The following DPYD variants were observed in gnomAD, a reference collection of about 807,000 sequenced individuals.
DPYD encodes dihydropyrimidine dehydrogenase [NADP(+)].
Under a neutral mutation model 116.2 loss-of-function variants are expected in DPYD, and 109 were observed. That is an observed-to-expected ratio of 0.94 (90% CI 0.80 to 1.10). The LOEUF is 1.10. Among genes scored for constraint, DPYD ranks in the 50% least tolerant of loss-of-function variants. The pLI is 0.00. For synonymous variants in DPYD, 440 were observed against 432.0 expected (o/e 1.02, Z -0.23); for missense variants, 1,302 against 1,254.5 (o/e 1.04, Z -0.57).
chr1:97,258,763 T>G, intron 18 of DPYD, among the ~76,000 whole-genome samples: 1 of 152,108 alleles, frequency 6.6e-6, no homozygotes, highest in East Asian at 1.9e-4. Flanking sequence ...TAAGATTGTA[T>G]TTTGGACTTT....
chr1:97,722,078 A>G (rs531211455), intron 4 of DPYD, among the ~76,000 whole-genome samples: 5 of 151,850 alleles, frequency 3.3e-5, no homozygotes, highest in Non-Finnish European at 5.9e-5. Context: ...AAATGGTTAT[A>G]CTCAGGTTAT....
At chr1:97,583,580 T>A (rs1653850728) in intron 10 of DPYD, among the ~76,000 whole-genome samples, 1 of 151,936 alleles carries the variant, frequency 6.6e-6, no homozygotes, top group Non-Finnish European at 1.5e-5. Context: ...TTCTGCCACC[T>A]GCTAATACTC....
At chr1:97,404,314 GTGT>G (rs1260885257) in intron 14 of DPYD, among the ~76,000 whole-genome samples, 1 of 152,048 alleles carries the variant, frequency 6.6e-6, no homozygotes, top group Non-Finnish European at 1.5e-5. Flanking sequence ...TTGACTAATA[GTGT>G]TGTTGAGTTT....
Position 97,772,950 on chromosome 1 carries a change from T to A in DPYD, c.234-32471A>T, listed in dbSNP as rs564984207. Among the ~76,000 whole-genome samples the A allele has an allele frequency of 4.6e-5, 7 of 152,364 alleles. 1 individual carries two copies. The South Asian group carries it at 1.4e-3, about 32-fold the overall frequency. On this transcript the variant is annotated intron_variant, in intron 3 of 22. Coordinates refer to ENST00000370192, the MANE Select transcript of DPYD (RefSeq NM_000110.4). Reference sequence around the variant, plus strand: ...TACAGATGATTTTCCATGGCCTCTATGATTTTTCATGGCCTCTGCAGGAGA... The same window carrying A: ...TACAGATGATTTTCCATGGCCTCTAAGATTTTTCATGGCCTCTGCAGGAGA...
chr1:97,887,917 C>A (rs148975629), intron 1 of DPYD, among the ~76,000 whole-genome samples: 2 of 152,170 alleles, frequency 1.3e-5, no homozygotes, highest in East Asian at 3.9e-4. Flanking sequence ...CTTCTTCCTG[C>A]TGTCATGTGA....
chr1:97,202,073 G>C (rs1002133372), intron 19 of DPYD, among the ~76,000 whole-genome samples: 9 of 152,044 alleles, frequency 5.9e-5, no homozygotes, highest in African/African-American at 2.2e-4. Flanking sequence ...CTGGCTTTGA[G>C]TTCAGTTGTC....
intron 10 of DPYD, among the ~76,000 whole-genome samples, chr1:97,591,069 A>G (rs1352646653): frequency 6.6e-6 from 1 of 152,168 alleles, no homozygotes; most frequent in East Asian, 1.9e-4. Flanking sequence ...AATCCAGAAG[A>G]CTTCCACAAT....
intron 3 of DPYD, among the ~76,000 whole-genome samples, chr1:97,783,560 A>G (rs1666869416): frequency 6.6e-6 from 1 of 151,734 alleles, no homozygotes; most frequent in Non-Finnish European, 1.5e-5. Flanking sequence ...ACACCCAGCT[A>G]ATTATTGTGT....
At chr1:97,130,722 CTT>C (rs1653220120) in intron 20 of DPYD, among the ~76,000 whole-genome samples, 1 of 124,910 alleles carries the variant, frequency 8.0e-6, no homozygotes, top group African/African-American at 2.9e-5. Context: ...CTCTCTCTTT[CTT>C]TCTTTCTTCC....
intron 13 of DPYD, among the ~76,000 whole-genome samples, chr1:97,471,001 A>C (rs1023424492): frequency 1.3e-5 from 2 of 152,126 alleles, no homozygotes; most frequent in African/African-American, 4.8e-5. Context: ...AAAAAAAAAA[A>C]GGTTTCTGAA....
chr1:97,418,949 G>A (rs892704000), intron 14 of DPYD, among the ~76,000 whole-genome samples: 8 of 152,134 alleles, frequency 5.3e-5, no homozygotes, highest in Non-Finnish European at 1.5e-5. Context: ...GAAATCCAAG[G>A]TGGCAGCAGG....
chr1:97,630,762 A>T (rs1657211050), intron 8 of DPYD, among the ~76,000 whole-genome samples: 1 of 152,134 alleles, frequency 6.6e-6, no homozygotes, highest in Non-Finnish European at 1.5e-5. Context: ...GCAACTTATT[A>T]ATAAAAGATA....
chr1:97,788,673 A>T lies in DPYD; in HGVS notation c.233+39441T>A, dbSNP rs147045931. Among the ~76,000 whole-genome samples, 135 of 152,360 alleles carry T rather than the reference A, an allele frequency of 8.9e-4. 1 individual carries two copies. In the East Asian group the frequency reaches 0.019, roughly 22 times the overall value. ...AGAAAAAAGTGATCAAGGAGTACAT[A>T]GGCCTATAGAATCCAACCTGATTTT... On this transcript the variant is annotated intron_variant, in intron 3 of 22. Coordinates refer to ENST00000370192, the MANE Select transcript of DPYD (RefSeq NM_000110.4).
chr1:97,739,555 A>G (rs1344795580), intron 4 of DPYD, among the ~76,000 whole-genome samples: 1 of 152,128 alleles, frequency 6.6e-6, no homozygotes, highest in African/African-American at 2.4e-5. Context: ...AAATATTAAG[A>G]AATAAACTTT....
chr1:97,764,405 G>A (rs1665736191), intron 3 of DPYD, among the ~76,000 whole-genome samples: 1 of 151,964 alleles, frequency 6.6e-6, no homozygotes, highest in Admixed American at 6.6e-5. Flanking sequence ...CTTAAAAGGA[G>A]ATCTGTATTT....
At chr1:97,532,089 A>G (rs2786785) in intron 12 of DPYD, among the ~76,000 whole-genome samples, 2 of 151,658 alleles carry the variant, frequency 1.3e-5, no homozygotes, top group Non-Finnish European at 2.9e-5. Flanking sequence ...TCTTCTTGTT[A>G]TCTGATATGG....
intron 3 of DPYD, among the ~76,000 whole-genome samples, chr1:97,777,793 T>C (rs1666498848): frequency 6.6e-6 from 1 of 152,072 alleles, no homozygotes; most frequent in South Asian, 2.1e-4. Context: ...GAAGTAGCCA[T>C]TATGTACTAA....
Position 97,385,765 on chromosome 1 carries a change from C to T in DPYD, c.1906-3304G>A, listed in dbSNP as rs1672308033. The stretch of plus-strand genomic sequence containing the variant: ...GGCAGATGGGTTGACCACAGAAATC[C>T]ACAGCAGGGAAGCAAGGTTTAGCAG... On this transcript the variant is annotated intron_variant, in intron 14 of 22. Coordinates refer to ENST00000370192, the MANE Select transcript of DPYD (RefSeq NM_000110.4). Among the ~76,000 whole-genome samples the T allele has an allele frequency of 7.9e-5, 12 of 151,886 alleles. 1 individual carries two copies. The South Asian group carries it at 2.3e-3, about 29-fold the overall frequency.
intron 18 of DPYD, among the ~76,000 whole-genome samples, chr1:97,243,966 T>C (rs114501210): frequency 6.6e-6 from 1 of 152,106 alleles, no homozygotes; most frequent in East Asian, 1.9e-4. Flanking sequence ...AAAGTGAAAT[T>C]TGTTTTAGAA....
Sources: gnomAD v4.1 joint callset for allele counts (sites outside exome capture counted in the v4.1 genomes callset) on GRCh38, gnomAD v4.1.1 for gene constraint, MANE v1.5 for transcripts, NCBI Gene and HGNC (gene_info 2026-07-23, HGNC 2026-07-21) for gene names.